Variants in SORCS2 observed in about 807,000 individuals in gnomAD.
SORCS2 encodes VPS10 domain-containing receptor SorCS2.
In SORCS2, 100 loss-of-function variants were observed where a neutral mutation model predicts 141.6. That is an observed-to-expected ratio of 0.71 (90% CI 0.60 to 0.83). The LOEUF is 0.83. Among genes scored for constraint, SORCS2 ranks in the 40% least tolerant of loss-of-function variants. SORCS2 has a pLI of 0.00. For synonymous variants in SORCS2, 789 were observed against 676.9 expected (o/e 1.17, Z -2.57); for missense variants, 1,646 against 1,560.2 (o/e 1.05, Z -0.93).
chr4:7,665,064 C>T (rs1371901163), intron 7 of SORCS2, among the ~76,000 whole-genome samples: 1 of 152,190 alleles, frequency 6.6e-6, no homozygotes, highest in Non-Finnish European at 1.5e-5. Flanking sequence ...ACAGAGTCTG[C>T]GTCATCGGAC....
chr4:7,626,262 C>T (rs1471258338), intron 3 of SORCS2, among the ~76,000 whole-genome samples: 7 of 152,334 alleles, frequency 4.6e-5, no homozygotes, highest in Admixed American at 1.3e-4. Context: ...AACAGACTTT[C>T]TTAAGCTTTT....
rs537412875 is a variant in SORCS2 at position 7,599,257 on chromosome 4, C to T, written c.649-39071C>T. 3.9e-3 allele frequency among the ~76,000 whole-genome samples: 594 copies of T among 152,278 alleles called. 2 individuals are homozygous for T. The highest frequency in any genetic ancestry group is 6.2e-3 in the Non-Finnish European group (419 of 68,020). On this transcript the variant is annotated intron_variant, in intron 3 of 26. Coordinates refer to ENST00000507866, the MANE Select transcript of SORCS2 (RefSeq NM_020777.3). ...CCCTTCTGCCCTTCAGCCTCTGCTCCCCTGCCAGCCAGGACTGGGAGCCAA... is the reference window on the plus strand; with the variant it reads ...CCCTTCTGCCCTTCAGCCTCTGCTCTCCTGCCAGCCAGGACTGGGAGCCAA...
In SORCS2 at chr4:7,650,895, C is replaced by T. The variant is rs140120439; in HGVS notation, c.814-3239C>T. Among the ~76,000 whole-genome samples the T allele has an allele frequency of 2.6e-3, 403 of 152,274 alleles. 3 individuals carry two copies. The highest frequency in any genetic ancestry group is 9.2e-3 in the African/African-American group (381 of 41,550). On this transcript the variant is annotated intron_variant, in intron 4 of 26. Coordinates refer to ENST00000507866, the MANE Select transcript of SORCS2 (RefSeq NM_020777.3). Reference sequence around the variant, plus strand: ...TTTGCTTCTATAACAAGGACTTCAGCATATGATGCTTCTGGGGTGCAAAGG... The same window carrying T: ...TTTGCTTCTATAACAAGGACTTCAGTATATGATGCTTCTGGGGTGCAAAGG...
At chr4:7,236,669 C>T (rs936620586) in intron 1 of SORCS2, among the ~76,000 whole-genome samples, 1 of 152,174 alleles carries the variant, frequency 6.6e-6, no homozygotes, top group East Asian at 1.9e-4. Context: ...ACAACTTCTG[C>T]CTCCTGGGTT....
At chr4:7,424,662 C>A (rs1449660947) in intron 2 of SORCS2, among the ~76,000 whole-genome samples, 4 of 152,214 alleles carry the variant, frequency 2.6e-5, no homozygotes, top group Non-Finnish European at 5.9e-5. Flanking sequence ...GCAGGGCTCA[C>A]AGCAGCTCCC....
chr4:7,319,780 T>A (rs2108941067), intron 1 of SORCS2, among the ~76,000 whole-genome samples: 1 of 152,264 alleles, frequency 6.6e-6, no homozygotes, highest in South Asian at 2.1e-4. Flanking sequence ...AATATAGAAG[T>A]TTTGCTGTCA....
At chr4:7,242,782 C>T (rs1311780102) in intron 1 of SORCS2, among the ~76,000 whole-genome samples, 1 of 152,240 alleles carries the variant, frequency 6.6e-6, no homozygotes, top group Non-Finnish European at 1.5e-5. Context: ...TGAGCTGATG[C>T]TCGGTCAGTC....
At chr4:7,385,970 C>G (rs1014520595) in intron 1 of SORCS2, among the ~76,000 whole-genome samples, 11 of 152,198 alleles carry the variant, frequency 7.2e-5, no homozygotes, top group Non-Finnish European at 1.0e-4. Context: ...GCATCTTCCT[C>G]ATGTTTTGGA....
intron 3 of SORCS2, among the ~76,000 whole-genome samples, chr4:7,550,124 A>ATGTGTGTGTGTGTG (rs1446623939): frequency 2.8e-5 from 2 of 70,190 alleles, no homozygotes; most frequent in East Asian, 5.9e-4. Context: ...GTGTGTGTGT[A>ATGTGTGTGTGTGTG]TGTGTGTATG....
chr4:7,468,177 C>T (rs1729736614), intron 2 of SORCS2, among the ~76,000 whole-genome samples: 1 of 152,226 alleles, frequency 6.6e-6, no homozygotes, highest in African/African-American at 2.4e-5. Context: ...CCTTGTTCCC[C>T]CTAAGTACTG....
intron 4 of SORCS2, among the ~76,000 whole-genome samples, chr4:7,652,664 C>G (rs1577899499): frequency 6.6e-6 from 1 of 152,248 alleles, no homozygotes; most frequent in African/African-American, 2.4e-5. Flanking sequence ...AGGCCTCTCT[C>G]AGGCCCTGTC....
chr4:7,212,917 G>A (rs561934954), intron 1 of SORCS2, among the ~76,000 whole-genome samples: 12 of 152,238 alleles, frequency 7.9e-5, no homozygotes, highest in South Asian at 6.2e-4. Flanking sequence ...TTCTGGTCTC[G>A]TCATTGGGGG....
chr4:7,532,102 T>C (rs1028450107), intron 3 of SORCS2, among the ~76,000 whole-genome samples: 1 of 152,178 alleles, frequency 6.6e-6, no homozygotes, highest in Non-Finnish European at 1.5e-5. Context: ...CTGACTTTGC[T>C]CTCTGGCTGG....
chr4:7,425,138 G>GATCCTCCC (rs1042382811), intron 2 of SORCS2, among the ~76,000 whole-genome samples: 3 of 152,214 alleles, frequency 2.0e-5, no homozygotes, highest in African/African-American at 7.2e-5. Flanking sequence ...CAGAGCCTCA[G>GATCCTCCC]ATCCTCCCAC....
intron 1 of SORCS2, among the ~76,000 whole-genome samples, chr4:7,357,294 T>G (rs1459242278): frequency 6.6e-6 from 1 of 152,162 alleles, no homozygotes; most frequent in Admixed American, 6.5e-5. Context: ...ATAAAAAATA[T>G]GAAATATGAC....
intron 1 of SORCS2, among the ~76,000 whole-genome samples, chr4:7,347,750 A>C (rs1435330239): frequency 1.3e-5 from 2 of 152,214 alleles, no homozygotes; most frequent in Non-Finnish European, 2.9e-5. Flanking sequence ...GGAAAGGGGA[A>C]ATTTTCTGTA....
chr4:7,563,429 T>C (rs1714745710), intron 3 of SORCS2, among the ~76,000 whole-genome samples: 1 of 152,120 alleles, frequency 6.6e-6, no homozygotes, highest in Non-Finnish European at 1.5e-5. Context: ...GCAACAGCCA[T>C]CTCTCTGTCT....
At chr4:7,687,013 G>A (rs1723921736) in intron 10 of SORCS2, among the ~76,000 whole-genome samples, 1 of 152,202 alleles carries the variant, frequency 6.6e-6, no homozygotes, top group Non-Finnish European at 1.5e-5. Context: ...GGTGGGGAGA[G>A]GTAGCTAGGG....
chr4:7,706,426 G>A (rs1725463493), intron 14 of SORCS2, among the ~76,000 whole-genome samples: 1 of 146,614 alleles, frequency 6.8e-6, no homozygotes, highest in African/African-American at 2.6e-5. Flanking sequence ...GATGAGGCTG[G>A]GCTCTGTCTG....
Sources: allele counts gnomAD v4.1 joint callset (sites outside exome capture counted in the v4.1 genomes callset), GRCh38; gene constraint gnomAD v4.1.1; transcripts MANE v1.5; gene names NCBI Gene and HGNC (gene_info 2026-07-23, HGNC 2026-07-21).